The following LRIG1 variants were observed in gnomAD, a reference collection of about 807,000 sequenced individuals.
LRIG1 encodes leucine-rich repeats and immunoglobulin-like domains protein 1.
A neutral mutation model predicts 99.2 loss-of-function variants in LRIG1; 48 were observed. The ratio of observed to expected loss-of-function variants is 0.48; its 90% CI spans 0.38 to 0.62. The LOEUF is 0.62. Among genes scored for constraint, LRIG1 ranks in the 20% least tolerant of loss-of-function variants. The pLI, the probability that LRIG1 is intolerant of heterozygous loss-of-function variation, is 0.00. For synonymous variants in LRIG1, 772 were observed against 596.1 expected (o/e 1.29, Z -4.30); for missense variants, 1,646 against 1,434.4 (o/e 1.15, Z -2.38).
At chr3:66,429,011 G>A (rs1056502933) in intron 3 of LRIG1, among the ~76,000 whole-genome samples, 18 of 152,188 alleles carry the variant, frequency 1.2e-4, no homozygotes, top group African/African-American at 1.7e-4. Context: ...GCCCAGTGGC[G>A]GGATAAACAG....
chr3:66,401,715 G>T (rs1045355649), intron 9 of LRIG1: 18 of 1,437,850 alleles, frequency 1.3e-5, no homozygotes, highest in Non-Finnish European at 1.5e-5. Context: ...GGGATTATGG[G>T]CTGGGAGGAC....
chr3:66,386,467 T>C (rs13063913), intron 12 of LRIG1, 166 bp from the exon 13 acceptor site: 133,486 of 620,884 alleles, frequency 0.21, 15,527 homozygotes, highest in Admixed American at 0.3. Flanking sequence ...AGTTGCACCA[T>C]GGACATCTGA....
At position 66,383,144 on chromosome 3, in the gene LRIG1, G is replaced by A; in HGVS notation, c.2329C>T (p.Gln777Ter). 1 of 1,614,248 alleles carries A rather than the reference G, an allele frequency of 6.2e-7. No individual in the cohort carries two copies. Among genetic ancestry groups the A allele is most frequent in the Non-Finnish European group, 8.5e-7 (1 of 1,180,054 alleles). ...CCTGCTGCGGGCAGGACGCTCAGCT[G>A]GCTGTGAGCTCGCTCCGTGCCCAGG... is the stretch of plus-strand genomic sequence containing the variant. ...NTLGTERAHS[Q>*]LSVLPAAGCR... Residue 777 changes from glutamine to a stop codon, truncating the protein, a stop_gained, in exon 15 of 19, where the codon CAG becomes TAG. Coordinates refer to ENST00000273261, the MANE Select transcript of LRIG1 (RefSeq NM_015541.3). LOFTEE classifies it high-confidence loss of function.
In LRIG1 at chr3:66,384,234, T is replaced by C. The variant is rs1701252433; in HGVS notation, c.1828A>G (p.Ile610Val). 2 of 1,613,788 alleles carry C rather than the reference T, an allele frequency of 1.2e-6. No homozygotes were observed. Among genetic ancestry groups the C allele is most frequent in the Non-Finnish European group, 1.7e-6 (2 of 1,179,810 alleles). The change falls in exon 14 of 19, where the codon ATC becomes GTC. Residue 610 changes from isoleucine (I) to valine (V), a missense_variant. Transcript: ENST00000273261. ...SFTKTPHDIT[I>V]RTTTMARLEC... ...AGGCGGGCCATGGTGGTGGTCCGGA[T>C]GGTTATGTCGTGGGGCGTTTTGGTG...
At chr3:66,455,831 C>T (rs1700205677) in intron 2 of LRIG1, among the ~76,000 whole-genome samples, 1 of 152,176 alleles carries the variant, frequency 6.6e-6, no homozygotes, top group Admixed American at 6.5e-5. Context: ...GTGGTTTCTA[C>T]ACAAGATAGC....
rs759680974 is a variant in LRIG1, at chr3:66,380,478, AG to A, written c.3066del (p.Trp1023GlyfsTer3). ...GGGTGATACAACCTTGCTAAAGTCC[AG>A]GAAGAATCCCCTACAAGGAAAGAAC... Reference protein sequence around the residue: ...MASLDGKGDSSWTLARLYHPD... With the variant: ...MASLDGKGDSXWTLARLYHPD... On this transcript the variant is annotated frameshift_variant, in exon 19 of 19. Transcript: ENST00000273261. LOFTEE classifies it low-confidence loss of function (END_TRUNC). 3.7e-6 allele frequency: 6 copies of A among 1,614,218 alleles called. No individual in the cohort carries two copies. The South Asian group carries it at 4.4e-5, about 12-fold the overall frequency.
At chr3:66,472,957 C>T (rs1392440613) in intron 1 of LRIG1, among the ~76,000 whole-genome samples, 1 of 151,814 alleles carries the variant, frequency 6.6e-6, no homozygotes, top group Non-Finnish European at 1.5e-5. Flanking sequence ...AATATTAGTA[C>T]AAAAACCTCA....
chr3:66,419,203 C>T (rs1702722460), intron 3 of LRIG1, among the ~76,000 whole-genome samples: 2 of 152,256 alleles, frequency 1.3e-5, no homozygotes, highest in African/African-American at 2.4e-5. Flanking sequence ...ATTGCGAAGC[C>T]GTGGGACAGC....
At chr3:66,457,733 C>T (rs553359789) in intron 2 of LRIG1, among the ~76,000 whole-genome samples, 3 of 152,310 alleles carry the variant, frequency 2.0e-5, no homozygotes, top group South Asian at 2.1e-4. Flanking sequence ...AGAAATCAAA[C>T]GTGAGTCTAT....
intron 13 of LRIG1, 27 bp from the exon 14 acceptor site, chr3:66,384,299 G>C (rs1323114175): frequency 1.9e-5 from 30 of 1,594,092 alleles, no homozygotes; most frequent in African/African-American, 2.7e-5. Flanking sequence ...TACAGGGTCG[G>C]GTTACGGGAC....
chr3:66,434,516 G>A (rs1575688422), intron 3 of LRIG1, among the ~76,000 whole-genome samples: 1 of 152,260 alleles, frequency 6.6e-6, no homozygotes, highest in East Asian at 1.9e-4. Context: ...GGAGGCTGAG[G>A]CGGGTGGATC....
chr3:66,414,525 T>A (rs1702564009), intron 5 of LRIG1, among the ~76,000 whole-genome samples: 1 of 152,160 alleles, frequency 6.6e-6, no homozygotes, highest in Non-Finnish European at 1.5e-5. Context: ...CTCAAACTGT[T>A]CAAGAAGTGT....
At chr3:66,499,524 C>T (rs1277343789) in intron 1 of LRIG1, among the ~76,000 whole-genome samples, 1 of 152,182 alleles carries the variant, frequency 6.6e-6, no homozygotes, top group African/African-American at 2.4e-5. Flanking sequence ...AGGACAAACT[C>T]CCAGCACTCA....
rs777036914 is a variant in LRIG1 at position 66,382,973 on chromosome 3, G to A, written c.2491+9C>T. ...TCCTTGAAAGTCAGCTCCGCTGGCAGGGCCTGACCTGTGTTGGTGACACTG... is the reference window on the plus strand; with the variant it reads ...TCCTTGAAAGTCAGCTCCGCTGGCAAGGCCTGACCTGTGTTGGTGACACTG... On this transcript the variant is annotated intron_variant, in intron 15 of 18. Coordinates refer to ENST00000273261, the MANE Select transcript of LRIG1 (RefSeq NM_015541.3). The A allele has an allele frequency of 2.7e-5, 43 of 1,587,826 alleles. No individual in the cohort carries two copies. The highest frequency in any genetic ancestry group is 2.9e-5 in the Non-Finnish European group (34 of 1,161,460).
intron 12 of LRIG1, 182 bp from the exon 13 acceptor site, chr3:66,386,483 T>C: frequency 1.7e-6 from 1 of 601,998 alleles, no homozygotes; most frequent in East Asian, 2.8e-5. Context: ...TCTGACCTCA[T>C]CTAATTAGAA....
intron 2 of LRIG1, among the ~76,000 whole-genome samples, chr3:66,456,874 C>T (rs1474391488): frequency 6.6e-6 from 1 of 152,200 alleles, no homozygotes; most frequent in Non-Finnish European, 1.5e-5. Context: ...GCAGTATCTA[C>T]AGAGGACTGT....
chr3:66,390,105 A>G (rs1701556522), intron 12 of LRIG1, among the ~76,000 whole-genome samples: 1 of 152,160 alleles, frequency 6.6e-6, no homozygotes, highest in Admixed American at 6.5e-5. Context: ...TCTTTGTATT[A>G]GAGCTTCTAG....
intron 8 of LRIG1, among the ~76,000 whole-genome samples, chr3:66,405,554 C>G (rs989184940): frequency 6.6e-6 from 1 of 152,334 alleles, no homozygotes; most frequent in African/African-American, 2.4e-5. Context: ...GGAGGTGGTG[C>G]AGACAGCCCA....
At chr3:66,409,239 A>G (rs1702386384) in intron 7 of LRIG1, among the ~76,000 whole-genome samples, 1 of 152,188 alleles carries the variant, frequency 6.6e-6, no homozygotes, top group Admixed American at 6.5e-5. Flanking sequence ...TGTGAAAAAT[A>G]AAGAAACACA....
Sources: gnomAD v4.1 joint callset for allele counts (sites outside exome capture counted in the v4.1 genomes callset) on GRCh38, gnomAD v4.1.1 for gene constraint, MANE v1.5 for transcripts, NCBI Gene and HGNC (gene_info 2026-07-23, HGNC 2026-07-21) for gene names.